OR52J3: variants seen among roughly 807,000 people sequenced by gnomAD.
The protein encoded by OR52J3 is olfactory receptor family 52 subfamily J member 3, also known as olfactory receptor 52J3.
For missense variants in OR52J3, 450 were observed against 392.3 expected, an observed-to-expected ratio of 1.15 and a Z score of -1.24; for synonymous variants, 159 against 142.9, an observed-to-expected ratio of 1.11 and a Z score of -0.80.
At position 5,047,438 on chromosome 11, in the gene OR52J3, C is replaced by T; in HGVS notation, c.913C>T (p.Leu305Phe). 6.3e-7 allele frequency: 1 copy of T among 1,593,100 alleles called. No individual in the cohort carries two copies. The highest frequency in any genetic ancestry group is 8.5e-7 in the Non-Finnish European group (1 of 1,175,034). The change falls in exon 1 of 1, where the codon CTC becomes TTC. Residue 305 changes from leucine (L) to phenylalanine (F), a missense_variant. Physicochemically the swap from Leu to Phe is conservative, Grantham distance 22 (BLOSUM62 0). Coordinates refer to ENST00000380370, the MANE Select transcript of OR52J3 (RefSeq NM_001001916.2). ...VRTKQIRERV[L>F]YVFTKK ...GACCAAACAGATTCGAGAACGAGTG[C>T]TCTATGTTTTTACTAAAAAATAAGA...
rs781571545 is a variant in OR52J3, at chr11:5,047,273, T to C, written c.748T>C (p.Cys250Arg). Residue 250 changes from cysteine (C) to arginine (R), a missense_variant, in exon 1 of 1, where the codon TGT becomes CGT. By Grantham distance (180) the Cys-to-Arg change is radical. Coordinates refer to ENST00000380370, the MANE Select transcript of OR52J3 (RefSeq NM_001001916.2). ...STCGAHVGVI[C>R]VFYIPSVFSF... ...GTGTGGCGCTCATGTTGGAGTCATC[T>C]GTGTTTTCTATATCCCTTCAGTCTT... is the stretch of plus-strand genomic sequence containing the variant. The C allele has an allele frequency of 3.1e-6, 5 of 1,612,922 alleles. No individual in the cohort carries two copies. Among genetic ancestry groups the C allele is most frequent in the African/African-American group, 2.7e-5 (2 of 74,554 alleles).
At position 5,047,130 on chromosome 11, in the gene OR52J3, T is replaced by G. The variant is rs1305656378; in HGVS notation, c.605T>G (p.Leu202Arg). The G allele has an allele frequency of 3.7e-6, 6 of 1,612,738 alleles. No individual in the cohort carries two copies. The highest frequency in any genetic ancestry group is 5.1e-6 in the Non-Finnish European group (6 of 1,179,780). ...ATTCGTATCAATGGTATCTATGGGC[T>G]TTTTGTAGTTTCTTTCTTTGTTCTG... ...GNIRINGIYG[L>R]FVVSFFVLNL... The change falls in exon 1 of 1, where the codon CTT (leucine) becomes CGT (arginine). Residue 202 changes from leucine (L) to arginine (R), a missense_variant. Physicochemically the swap from Leu to Arg is moderately radical, Grantham distance 102. Coordinates refer to ENST00000380370, the MANE Select transcript of OR52J3 (RefSeq NM_001001916.2).
rs1254479213 is a variant in OR52J3, at chr11:5,047,452, TA to T, written c.933del (p.Lys311AsnfsTer?). The T allele has an allele frequency of 4.4e-6, 7 of 1,579,678 alleles. No homozygotes were observed. The African/African-American group carries it at 5.4e-5, about 12-fold the overall frequency. The part of the protein sequence containing the change: ...IRERVLYVFT[K>X]K ...GAGAACGAGTGCTCTATGTTTTTAC[TA>T]AAAAATAAGACTCTTACCATGTTAT... is the stretch of plus-strand genomic sequence containing the variant. On this transcript the variant is annotated frameshift_variant, in exon 1 of 1. Transcript: ENST00000380370. LOFTEE classifies it high-confidence loss of function.
At position 5,047,395 on chromosome 11, in the gene OR52J3, C is replaced by A. The variant is rs757732250; in HGVS notation, c.870C>A (p.Pro290=). ...LYLIIPPSLN[P]IIYGVRTKQI... ...TGATTATCCCACCCTCTCTCAACCC[C>A]ATCATTTATGGGGTGAGGACCAAAC... is the stretch of plus-strand genomic sequence containing the variant. The change falls in exon 1 of 1, where the codon CCC becomes CCA. Residue 290 remains proline (P), a synonymous_variant. Coordinates refer to ENST00000380370, the MANE Select transcript of OR52J3 (RefSeq NM_001001916.2). 2 of 1,611,254 alleles carry A rather than the reference C, an allele frequency of 1.2e-6. No homozygotes were observed. The highest frequency in any genetic ancestry group is 4.5e-5 in the East Asian group (2 of 44,856).
rs766434185 is a variant in OR52J3 at position 5,046,556 on chromosome 11, C to G, written c.31C>G (p.Pro11Ala). MFYHNKSIFH[P>A]VTFFLIGIPG... is the part of the protein sequence containing the mutation. ...TTATCACAACAAGAGCATATTTCAC[C>G]CAGTCACATTTTTCCTCATTGGAAT... Residue 11 changes from proline (P) to alanine (A), a missense_variant, in exon 1 of 1, where the codon CCA becomes GCA. Coordinates refer to ENST00000380370, the MANE Select transcript of OR52J3 (RefSeq NM_001001916.2). 2.7e-5 allele frequency: 43 copies of G among 1,613,586 alleles called. No homozygotes were observed. Among genetic ancestry groups the G allele is most frequent in the Non-Finnish European group, 3.3e-5 (39 of 1,179,818 alleles).
rs146364693 is a variant in OR52J3, at chr11:5,047,338, T to C, written c.813T>C (p.Gly271=). 2 of 1,613,206 alleles carry C rather than the reference T, an allele frequency of 1.2e-6. No individual in the cohort carries two copies. The highest frequency in any genetic ancestry group is 1.6e-4 in the Middle Eastern group (1 of 6,082). ...LTHRFGHQIP[G]YIHILVANLY... ...ATCGATTTGGACACCAAATACCAGG[T>C]TACATTCACATTCTTGTTGCCAATC... Residue 271 remains glycine, a synonymous_variant, in exon 1 of 1, where the codon GGT becomes GGC. Transcript: ENST00000380370.
rs143834741 is a variant in OR52J3, at chr11:5,046,928, G to T, written c.403G>T (p.Ala135Ser). The change falls in exon 1 of 1, where the codon GCA (alanine) becomes TCA (serine). Residue 135 changes from alanine to serine, a missense_variant. Physicochemically the swap from Ala to Ser is moderately conservative, Grantham distance 99. Transcript: ENST00000380370. ...GGCCGTCTGTGCTCCACTACATTACGCAACCATCTTGACATCCCAAGTGTT... is the reference window on the plus strand; with the variant it reads ...GGCCGTCTGTGCTCCACTACATTACTCAACCATCTTGACATCCCAAGTGTT... ...YVAVCAPLHY[A>S]TILTSQVLVG... 5.0e-6 allele frequency: 8 copies of T among 1,613,556 alleles called. No individual in the cohort carries two copies. In the African/African-American group the frequency reaches 1.1e-4, roughly 22 times the overall value.
At position 5,047,009 on chromosome 11, in the gene OR52J3, G is replaced by C; in HGVS notation, c.484G>C (p.Val162Leu). Residue 162 changes from valine (V) to leucine (L), a missense_variant, in exon 1 of 1, where the codon GTC (valine) becomes CTC (leucine). Coordinates refer to ENST00000380370, the MANE Select transcript of OR52J3 (RefSeq NM_001001916.2). ...IRPVLLTLPM[V>L]YLIYRLPFCQ... ...TCCCGTTTTACTTACACTTCCCATGGTCTATCTTATCTACCGCCTACCCTT... is the reference window on the plus strand; with the variant it reads ...TCCCGTTTTACTTACACTTCCCATGCTCTATCTTATCTACCGCCTACCCTT... The C allele has an allele frequency of 6.2e-7, 1 of 1,613,678 alleles. No individual in the cohort carries two copies. The highest frequency in any genetic ancestry group is 1.1e-5 in the South Asian group (1 of 91,060).
chr11:5,047,371 G>T lies in OR52J3; in HGVS notation c.846G>T (p.Leu282Phe). 1.9e-6 allele frequency: 3 copies of T among 1,612,414 alleles called. No individual in the cohort carries two copies. Among genetic ancestry groups the T allele is most frequent in the Non-Finnish European group, 1.7e-6 (2 of 1,179,780 alleles). ...YIHILVANLY[L>F]IIPPSLNPII... ...ACATTCTTGTTGCCAATCTCTATTT[G>T]ATTATCCCACCCTCTCTCAACCCCA... The change falls in exon 1 of 1, where the codon TTG becomes TTT. Residue 282 changes from leucine (L) to phenylalanine (F), a missense_variant. By Grantham distance (22) the Leu-to-Phe change is conservative (BLOSUM62 0). Transcript: ENST00000380370.
rs773294377 is a variant in OR52J3 at position 5,046,896 on chromosome 11, G to A, written c.371G>A (p.Arg124His). ...AEVLLAMAFD[R>H]YVAVCAPLHY... is the part of the protein sequence containing the mutation. ...GTCTTACTGGCTATGGCTTTTGACC[G>A]TTATGTGGCCGTCTGTGCTCCACTA... Residue 124 changes from arginine to histidine, a missense_variant, in exon 1 of 1, where the codon CGT becomes CAT. By Grantham distance (29) the Arg-to-His change is conservative. Coordinates refer to ENST00000380370, the MANE Select transcript of OR52J3 (RefSeq NM_001001916.2). 4.0e-5 allele frequency: 65 copies of A among 1,613,820 alleles called. 1 individual carries two copies. In the East Asian group the frequency reaches 7.1e-4, roughly 18 times the overall value.
In OR52J3 at chr11:5,047,226, C is replaced by T; in HGVS notation, c.701C>T (p.Ala234Val). The stretch of plus-strand genomic sequence containing the variant: ...GTCTTCCGCCTCCCATCACATGATG[C>T]TCAGCTAAAAGCCCTAAGCACGTGT... Reference protein sequence around the residue: ...RAVFRLPSHDAQLKALSTCGA... With the variant: ...RAVFRLPSHDVQLKALSTCGA... Residue 234 changes from alanine to valine, a missense_variant, in exon 1 of 1, where the codon GCT (alanine) becomes GTT (valine). Coordinates refer to ENST00000380370, the MANE Select transcript of OR52J3 (RefSeq NM_001001916.2). 1.2e-6 allele frequency: 2 copies of T among 1,612,336 alleles called. No homozygotes were observed. Among genetic ancestry groups the T allele is most frequent in the Non-Finnish European group, 1.7e-6 (2 of 1,179,714 alleles).
Position 5,046,825 on chromosome 11 carries a change from G to A in OR52J3, c.300G>A (p.Val100=). The part of the protein sequence containing the change: ...DAHEINYGAC[V]AQMFLIHAFT... ...ACGAGATTAACTATGGAGCTTGTGT[G>A]GCCCAGATGTTTCTGATCCATGCCT... The change falls in exon 1 of 1, where the codon GTG becomes GTA. Residue 100 remains valine (V), a synonymous_variant. Transcript: ENST00000380370. 2.5e-6 allele frequency: 4 copies of A among 1,613,960 alleles called. No homozygotes were observed. Among genetic ancestry groups the A allele is most frequent in the Non-Finnish European group, 3.4e-6 (4 of 1,179,984 alleles).
rs778074181 is a variant in OR52J3 at position 5,046,585 on chromosome 11, A to G, written c.60A>G (p.Pro20=). ...HPVTFFLIGI[P]GLEDFHMWIS... ...TCACATTTTTCCTCATTGGAATCCC[A>G]GGTCTGGAAGACTTCCACATGTGGA... is the stretch of plus-strand genomic sequence containing the variant. Residue 20 remains proline (P), a synonymous_variant, in exon 1 of 1, where the codon CCA becomes CCG. Coordinates refer to ENST00000380370, the MANE Select transcript of OR52J3 (RefSeq NM_001001916.2). The G allele has an allele frequency of 6.2e-7, 1 of 1,613,918 alleles. No individual in the cohort carries two copies. The highest frequency in any genetic ancestry group is 8.5e-7 in the Non-Finnish European group (1 of 1,179,904).
In OR52J3 at chr11:5,046,774, G is replaced by A; in HGVS notation, c.249G>A (p.Met83Ile). ...TTTCTACAACCTCTGTGCCTCGCATGCTGGGTATCTTCTGGTTTGATGCTC... is the reference window on the plus strand; with the variant it reads ...TTTCTACAACCTCTGTGCCTCGCATACTGGGTATCTTCTGGTTTGATGCTC... ...LALSTTSVPR[M>I]LGIFWFDAHE... Residue 83 changes from methionine (M) to isoleucine (I), a missense_variant, in exon 1 of 1, where the codon ATG (methionine) becomes ATA (isoleucine). Transcript: ENST00000380370. 6.2e-7 allele frequency: 1 copy of A among 1,613,942 alleles called. No individual in the cohort carries two copies. The highest frequency in any genetic ancestry group is 1.1e-5 in the South Asian group (1 of 91,082).
In OR52J3 at chr11:5,047,313, A is replaced by G; in HGVS notation, c.788A>G (p.His263Arg). Residue 263 changes from histidine to arginine, a missense_variant, in exon 1 of 1, where the codon CAT (histidine) becomes CGT (arginine). By Grantham distance (29) the His-to-Arg change is conservative. Coordinates refer to ENST00000380370, the MANE Select transcript of OR52J3 (RefSeq NM_001001916.2). ...CCTTCAGTCTTCTCTTTCCTTACTC[A>G]TCGATTTGGACACCAAATACCAGGT... ...YIPSVFSFLT[H>R]RFGHQIPGYI... The G allele has an allele frequency of 6.2e-7, 1 of 1,612,360 alleles. No individual in the cohort carries two copies. The highest frequency in any genetic ancestry group is 1.3e-5 in the African/African-American group (1 of 74,336).
At position 5,046,986 on chromosome 11, in the gene OR52J3, C is replaced by T. The variant is rs147262018; in HGVS notation, c.461C>T (p.Pro154Leu). 43 of 1,613,618 alleles carry T rather than the reference C, an allele frequency of 2.7e-5. No homozygotes were observed. Among genetic ancestry groups the T allele is most frequent in the Admixed American group, 5.0e-5 (3 of 59,922 alleles). The change falls in exon 1 of 1, where the codon CCC becomes CTC. Residue 154 changes from proline (P) to leucine (L), a missense_variant. Physicochemically the swap from Pro to Leu is moderately conservative, Grantham distance 98. Coordinates refer to ENST00000380370, the MANE Select transcript of OR52J3 (RefSeq NM_001001916.2). ...VGISMCIVIR[P>L]VLLTLPMVYL... is the part of the protein sequence containing the mutation. ...ATTAGCATGTGCATTGTAATTCGTC[C>T]CGTTTTACTTACACTTCCCATGGTC...
chr11:5,047,304 T>C lies in OR52J3; in HGVS notation c.779T>C (p.Phe260Ser). ...TTCTATATCCCTTCAGTCTTCTCTT[T>C]CCTTACTCATCGATTTGGACACCAA... ...CVFYIPSVFS[F>S]LTHRFGHQIP... Residue 260 changes from phenylalanine (F) to serine (S), a missense_variant, in exon 1 of 1, where the codon TTC becomes TCC. Transcript: ENST00000380370. 1 of 1,613,162 alleles carries C rather than the reference T, an allele frequency of 6.2e-7. No individual in the cohort carries two copies. Among genetic ancestry groups the C allele is most frequent in the Non-Finnish European group, 8.5e-7 (1 of 1,179,848 alleles).
rs1847566514 is a variant in OR52J3, at chr11:5,047,418, A to G, written c.893A>G (p.Lys298Arg). The change falls in exon 1 of 1, where the codon AAA becomes AGA. Residue 298 changes from lysine to arginine, a missense_variant. Transcript: ENST00000380370. ...CCCATCATTTATGGGGTGAGGACCA[A>G]ACAGATTCGAGAACGAGTGCTCTAT... ...LNPIIYGVRT[K>R]QIRERVLYVF... 6.2e-7 allele frequency: 1 copy of G among 1,606,448 alleles called. No individual in the cohort carries two copies. Among genetic ancestry groups the G allele is most frequent in the Non-Finnish European group, 8.5e-7 (1 of 1,178,912 alleles).
In OR52J3 at chr11:5,046,619, C is replaced by A. The variant is rs192283755; in HGVS notation, c.94C>A (p.Pro32Thr). The A allele has an allele frequency of 1.0e-4, 167 of 1,613,864 alleles. No homozygotes were observed. In the Admixed American group the frequency reaches 2.7e-3, roughly 26 times the overall value. Residue 32 changes from proline (P) to threonine (T), a missense_variant, in exon 1 of 1, where the codon CCT becomes ACT. Pro to Thr is a conservative substitution (Grantham distance 38, BLOSUM62 -1). Transcript: ENST00000380370. Reference sequence around the variant, plus strand: ...AGACTTCCACATGTGGATCTCCGGGCCTTTCTGCTCTGTTTACCTTGTGGC... The same window carrying A: ...AGACTTCCACATGTGGATCTCCGGGACTTTCTGCTCTGTTTACCTTGTGGC... ...LEDFHMWISG[P>T]FCSVYLVALL...
Sources: gnomAD v4.1 joint callset for allele counts on GRCh38, gnomAD v4.1.1 for gene constraint, MANE v1.5 for transcripts, NCBI Gene and HGNC (gene_info 2026-07-23, HGNC 2026-07-21) for gene names.